The following MAP3K13 variants were observed in gnomAD, a reference collection of about 807,000 sequenced individuals.
MAP3K13 encodes the protein leucine zipper-bearing kinase.
In MAP3K13, 52 loss-of-function variants were observed where a neutral mutation model predicts 104.0. The ratio of observed to expected loss-of-function variants is 0.50; its 90% CI spans 0.40 to 0.63. The LOEUF (loss-of-function observed/expected upper bound fraction) is 0.63. Among genes scored for constraint, MAP3K13 ranks in the 20% least tolerant of loss-of-function variants. The pLI is 0.00. For synonymous variants in MAP3K13, 394 were observed against 442.2 expected (o/e 0.89, Z 1.37); for missense variants, 914 against 1,218.5 (o/e 0.75, Z 3.72).
At chr3:185,358,949 A>G (rs926726206), upstream of MAP3K13, among the ~76,000 whole-genome samples, 32 of 152,170 alleles carry the variant, frequency 2.1e-4, no homozygotes, top group Non-Finnish European at 4.0e-4. Flanking sequence ...ATATTCCCCA[A>G]CCACCTGAAG....
At chr3:185,442,297 G>A (rs932544500) in intron 3 of MAP3K13, among the ~76,000 whole-genome samples, 7 of 150,506 alleles carry the variant, frequency 4.7e-5, no homozygotes, top group Admixed American at 2.7e-4. Context: ...TTGTTACGAC[G>A]TCACCACATT....
At chr3:185,324,846 T>A (rs757204620) in intron 2 of MAP3K13, among the ~76,000 whole-genome samples, 1 of 152,292 alleles carries the variant, frequency 6.6e-6, no homozygotes, top group Middle Eastern at 3.4e-3. Context: ...TACATCTTCA[T>A]TTCCATTAGA....
Position 185,454,628 on chromosome 3 carries a change from T to TATAGATATATATGAGATATATATG in MAP3K13, c.1278+3236_1278+3237insGATATATATGAGATATATATGATA, listed in dbSNP as rs1553808134. ...AGATATATATGATATATATATGAGA[T>TATAGATATATATGAGATATATATG]ATATATATGAGATATATATATGATA... On this transcript the variant is annotated intron_variant, in intron 7 of 13. Transcript: ENST00000265026. Among the ~76,000 whole-genome samples, 9 of 52,268 alleles carry TATAGATATATATGAGATATATATG rather than the reference T, an allele frequency of 1.7e-4. No individual in the cohort carries two copies. In the East Asian group the frequency reaches 3.8e-3, roughly 22 times the overall value. The allele number at this position is 52,268 out of a possible 152,430, so 34.3% of individuals were successfully genotyped here. A position where few individuals can be genotyped will look rare whatever the true frequency, so the allele number is the denominator to read the frequency against.
At chr3:185,466,229 C>A (rs1577608162) in intron 9 of MAP3K13, among the ~76,000 whole-genome samples, 1 of 152,306 alleles carries the variant, frequency 6.6e-6, no homozygotes, top group African/African-American at 2.4e-5. Flanking sequence ...CCCTGGGAAT[C>A]CTGACCAAAT....
Position 185,465,835 on chromosome 3 carries a change from C to A in MAP3K13, c.1477C>A (p.Leu493Ile). Residue 493 changes from leucine (L) to isoleucine (I), a missense_variant, in exon 9 of 14, where the codon CTA becomes ATA. Leu to Ile is a conservative substitution (Grantham distance 5, BLOSUM62 2). Transcript: ENST00000265026. ...GGAATTGAGTGCCATCATGCTGCAG[C>A]TAGAAATGCGGGAGAAGGAGCTCAT... ...YMELSAIMLQ[L>I]EMREKELIKR... The A allele has an allele frequency of 6.2e-7, 1 of 1,613,880 alleles. No homozygotes were observed. Among genetic ancestry groups the A allele is most frequent in the South Asian group, 1.1e-5 (1 of 91,078 alleles).
chr3:185,430,475 C>T (rs1488117741), intron 2 of MAP3K13, among the ~76,000 whole-genome samples: 1 of 152,102 alleles, frequency 6.6e-6, no homozygotes, highest in Non-Finnish European at 1.5e-5. Flanking sequence ...ACGTAGGCCC[C>T]AGTGTCTGTC....
intron 3 of MAP3K13, among the ~76,000 whole-genome samples, chr3:185,441,764 A>G (rs1230030574): frequency 6.6e-6 from 1 of 152,014 alleles, no homozygotes; most frequent in South Asian, 2.1e-4. Context: ...ATTGGTGGCC[A>G]GGAGCGGTGG....
intron 1 of MAP3K13, among the ~76,000 whole-genome samples, chr3:185,393,607 C>T (rs549457856): frequency 1.4e-4 from 22 of 152,006 alleles, no homozygotes; most frequent in African/African-American, 5.3e-4. Context: ...TACAGGTGCC[C>T]ACCACTGCAC....
At chr3:185,439,442 CTTCT>C (rs2148890225) in intron 3 of MAP3K13, among the ~76,000 whole-genome samples, 1 of 152,134 alleles carries the variant, frequency 6.6e-6, no homozygotes, top group South Asian at 2.1e-4. Flanking sequence ...CAGAGACCCT[CTTCT>C]TTCTTTCCTT....
intron 2 of MAP3K13, among the ~76,000 whole-genome samples, chr3:185,291,251 G>C (rs1375108819): frequency 6.6e-6 from 1 of 152,092 alleles, no homozygotes; most frequent in Non-Finnish European, 1.5e-5. Context: ...GAGATCAAAA[G>C]CTCTTTAAGA....
chr3:185,336,661 A>G (rs527330553), intron 2 of MAP3K13, among the ~76,000 whole-genome samples: 41 of 151,494 alleles, frequency 2.7e-4, no homozygotes, highest in African/African-American at 9.2e-4. Context: ...ATAATGAGAT[A>G]TGGAAATGTC....
At chr3:185,438,416 C>A (rs1266936301) in intron 3 of MAP3K13, among the ~76,000 whole-genome samples, 2 of 152,136 alleles carry the variant, frequency 1.3e-5, no homozygotes, top group African/African-American at 4.8e-5. Context: ...GTTAGCATCC[C>A]TTCTTAAACA....
intron 2 of MAP3K13, among the ~76,000 whole-genome samples, chr3:185,334,689 C>A (rs1003279718): frequency 6.6e-6 from 1 of 151,818 alleles, no homozygotes; most frequent in Admixed American, 6.6e-5. Context: ...CGGCTCACTG[C>A]AATCCGCCTC....
intron 1 of MAP3K13, among the ~76,000 whole-genome samples, chr3:185,284,375 T>A (rs2108664767): frequency 6.6e-6 from 1 of 152,292 alleles, no homozygotes; most frequent in East Asian, 1.9e-4. Flanking sequence ...AAAAGAAGAT[T>A]AAACTGTTTC....
At chr3:185,380,584 G>A (rs1238840573) in intron 1 of MAP3K13, among the ~76,000 whole-genome samples, 1 of 152,072 alleles carries the variant, frequency 6.6e-6, no homozygotes, top group Non-Finnish European at 1.5e-5. Flanking sequence ...TTGAGGGTGG[G>A]GCCCAGCCAT....
At chr3:185,364,906 A>G (rs6444059) in intron 1 of MAP3K13, among the ~76,000 whole-genome samples, 110,147 of 152,122 alleles carry the variant, frequency 0.72, 42,273 homozygotes, top group Non-Finnish European at 0.86. Context: ...CCTTTTTTGT[A>G]TATCTTCAGA....
chr3:185,356,716 G>A (rs1436777561), intron 2 of MAP3K13, among the ~76,000 whole-genome samples: 1 of 152,098 alleles, frequency 6.6e-6, no homozygotes, highest in Admixed American at 6.5e-5. Flanking sequence ...TAATTATTAC[G>A]ACCAGGGAGT....
At chr3:185,448,028 A>T (rs764794631) in intron 5 of MAP3K13, 81 bp downstream of exon 5, 40 of 1,411,058 alleles carry the variant, frequency 2.8e-5, no homozygotes, top group Non-Finnish European at 3.7e-5. Flanking sequence ...TTCAGCACTT[A>T]CTTTTCCAGA....
At chr3:185,407,365 G>C (rs1713171276) in intron 1 of MAP3K13, among the ~76,000 whole-genome samples, 1 of 152,032 alleles carries the variant, frequency 6.6e-6, no homozygotes, top group African/African-American at 2.4e-5. Flanking sequence ...TTTTCATTTG[G>C]AAACACTCAG....
Sources: gnomAD v4.1 joint callset for allele counts (sites outside exome capture counted in the v4.1 genomes callset) on GRCh38, gnomAD v4.1.1 for gene constraint, MANE v1.5 for transcripts, NCBI Gene and HGNC (gene_info 2026-07-23, HGNC 2026-07-21) for gene names.